TFB1M: variants seen among roughly 807,000 people sequenced by gnomAD.
TFB1M encodes the protein transcription factor B1, mitochondrial.
Under a neutral mutation model 31.1 loss-of-function variants are expected in TFB1M, and 27 were observed. The ratio of observed to expected loss-of-function variants is 0.87; its 90% confidence interval spans 0.64 to 1.20. The LOEUF (loss-of-function observed/expected upper bound fraction) is 1.20. TFB1M is among the 50% of genes most tolerant of loss of function. The pLI is 0.00. For missense variants in TFB1M, 394 were observed against 418.7 expected (o/e 0.94, Z 0.51); for synonymous variants, 166 against 151.8 (o/e 1.09, Z -0.69).
At chr6:155,312,722 G>A (rs1440724865) in intron 1 of TFB1M, among the ~76,000 whole-genome samples, 3 of 152,096 alleles carry the variant, frequency 2.0e-5, no homozygotes, top group Non-Finnish European at 2.9e-5. Flanking sequence ...CATAGAAAGA[G>A]TGGATAATAT....
chr6:155,261,779 C>A (rs1288926792), intron 5 of TFB1M, among the ~76,000 whole-genome samples: 1 of 151,500 alleles, frequency 6.6e-6, no homozygotes, highest in African/African-American at 2.4e-5. Flanking sequence ...TGGTAAGGGG[C>A]GGTGTGGGCT....
At chr6:155,283,551 C>A (rs1428786952) in intron 5 of TFB1M, among the ~76,000 whole-genome samples, 2 of 152,100 alleles carry the variant, frequency 1.3e-5, no homozygotes, top group Admixed American at 1.3e-4. Flanking sequence ...TGTACCTTAC[C>A]ACTAAATCAA....
At chr6:155,246,562 C>A in the TFB1M span, among the ~76,000 whole-genome samples, 1 of 152,158 alleles carries the variant, frequency 6.6e-6, no homozygotes, top group Non-Finnish European at 1.5e-5. Flanking sequence ...TCTCAAGCTC[C>A]TGGCCTCAAG....
intron 5 of TFB1M, among the ~76,000 whole-genome samples, chr6:155,274,571 G>T (rs1785082331): frequency 6.6e-6 from 1 of 152,194 alleles, no homozygotes; most frequent in South Asian, 2.1e-4. Context: ...AATGATTCTG[G>T]TCCCAATTAG....
At chr6:155,260,603 C>T (rs1274328586) in intron 5 of TFB1M, 6 of 652,048 alleles carry the variant, frequency 9.2e-6, no homozygotes, top group Admixed American at 4.3e-5. Context: ...AATCAGCCGG[C>T]TGCACCTGTT....
At chr6:155,237,942 C>T in the TFB1M span, among the ~76,000 whole-genome samples, 1 of 152,248 alleles carries the variant, frequency 6.6e-6, no homozygotes, top group Non-Finnish European at 1.5e-5. Context: ...TCCCTCTTTA[C>T]TTATGCAAAT....
At chr6:155,290,023 G>C (rs546850385) in intron 4 of TFB1M, among the ~76,000 whole-genome samples, 1 of 152,298 alleles carries the variant, frequency 6.6e-6, no homozygotes, top group East Asian at 1.9e-4. Context: ...AGAAATGTGA[G>C]CCAATTAAAC....
At chr6:155,236,690 T>C in the TFB1M span, among the ~76,000 whole-genome samples, 1 of 152,110 alleles carries the variant, frequency 6.6e-6, no homozygotes, top group Non-Finnish European at 1.5e-5. Context: ...GAGCAAGTCA[T>C]ATCTTACGTG....
Position 155,296,940 on chromosome 6 carries a change from T to G in TFB1M, c.546+13A>C, listed in dbSNP as rs750017808. 1 of 1,612,572 alleles carries G rather than the reference T, an allele frequency of 6.2e-7. No homozygotes were observed. Among genetic ancestry groups the G allele is most frequent in the South Asian group, 1.1e-5 (1 of 91,018 alleles). Reference sequence around the variant, plus strand: ...AACATGTGATAAAATAGTCACAAAATGTTAAAACTTACCTCTGCCACTTCC... The same window carrying G: ...AACATGTGATAAAATAGTCACAAAAGGTTAAAACTTACCTCTGCCACTTCC... On this transcript the variant is annotated intron_variant, in intron 4 of 6. Coordinates refer to ENST00000367166, the MANE Select transcript of TFB1M (RefSeq NM_016020.4).
intron 5 of TFB1M, among the ~76,000 whole-genome samples, chr6:155,282,949 G>A (rs544307471): frequency 2.9e-4 from 44 of 152,072 alleles, no homozygotes; most frequent in Non-Finnish European, 5.0e-4. Context: ...GGATGGTCTC[G>A]ATCTCCTGAC....
At chr6:155,233,213 A>G in the TFB1M span, among the ~76,000 whole-genome samples, 1 of 152,222 alleles carries the variant, frequency 6.6e-6, no homozygotes, top group Non-Finnish European at 1.5e-5. Context: ...AAAGATTCCA[A>G]AACGCACAGG....
the TFB1M span, among the ~76,000 whole-genome samples, chr6:155,243,846 CAAAAAAAAAAAA>C: frequency 1.4e-3 from 76 of 55,056 alleles, 1 homozygote; most frequent in African/African-American, 5.8e-3. Flanking sequence ...GACTCCGTCT[CAAAAAAAAAAAA>C]AAAAAAAAAA....
intron 1 of TFB1M, among the ~76,000 whole-genome samples, chr6:155,312,768 C>G (rs1323142627): frequency 1.3e-5 from 2 of 151,958 alleles, no homozygotes. Flanking sequence ...GATAAAGGCT[C>G]ATGAGAAAAT....
rs1298989741 is a variant in TFB1M at position 155,257,291 on chromosome 6, G to T, written c.*545C>A. On this transcript the variant is annotated 3_prime_UTR_variant, in exon 7 of 7. Transcript: ENST00000367166. ...GATTTAAGTTATTTTAATTTATTGT[G>T]GATCAGAAACCTAGATGAAACTGGT... is the stretch of plus-strand genomic sequence containing the variant. The T allele has an allele frequency of 3.9e-6, 3 of 765,838 alleles. No homozygotes were observed. Among genetic ancestry groups the T allele is most frequent in the African/African-American group, 3.5e-5 (2 of 56,452 alleles). 47.4% of individuals were successfully genotyped at this position (765,838 alleles called of 1,614,324 possible). A position where few individuals can be genotyped will look rare whatever the true frequency, so the allele number is the denominator to read the frequency against.
the TFB1M span, chr6:155,250,654 G>A: frequency 1.3e-6 from 2 of 1,529,150 alleles, no homozygotes; most frequent in African/African-American, 1.4e-5. Flanking sequence ...AACTGAGTTG[G>A]TCACAAGGCA....
At chr6:155,288,531 C>T (rs970992062) in intron 4 of TFB1M, among the ~76,000 whole-genome samples, 1 of 152,126 alleles carries the variant, frequency 6.6e-6, no homozygotes, top group Non-Finnish European at 1.5e-5. Flanking sequence ...AAATGCATTG[C>T]AAATTTTAAT....
At chr6:155,244,378 T>A in the TFB1M span, among the ~76,000 whole-genome samples, 1 of 152,248 alleles carries the variant, frequency 6.6e-6, no homozygotes, top group Non-Finnish European at 1.5e-5. Flanking sequence ...ACCACATAAT[T>A]AGTTCTACTG....
chr6:155,308,823 C>T (rs996640682), intron 2 of TFB1M, among the ~76,000 whole-genome samples: 1 of 152,110 alleles, frequency 6.6e-6, no homozygotes, highest in Non-Finnish European at 1.5e-5. Context: ...TTAGAAATCA[C>T]TAAAATGGTA....
chr6:155,235,255 C>T, the TFB1M span, among the ~76,000 whole-genome samples: 6 of 152,286 alleles, frequency 3.9e-5, no homozygotes, highest in South Asian at 2.1e-4. Flanking sequence ...TTGACCCAAA[C>T]GGCAATTTTA....
Sources: allele counts gnomAD v4.1 joint callset (sites outside exome capture counted in the v4.1 genomes callset), GRCh38; gene constraint gnomAD v4.1.1; transcripts MANE v1.5; gene names NCBI Gene and HGNC (gene_info 2026-07-23, HGNC 2026-07-21).